The following ZSWIM5 variants were observed in gnomAD, a reference collection of about 807,000 sequenced individuals.
The protein encoded by ZSWIM5 is zinc finger SWIM-type containing 5.
ZSWIM5 carries 55 observed loss-of-function variants against 119.6 expected under a neutral mutation model. The observed-to-expected ratio is 0.46, with a 90% CI of 0.37 to 0.58. The LOEUF (loss-of-function observed/expected upper bound fraction) is 0.58. Ranked by LOEUF, ZSWIM5 falls within the 20% of genes least tolerant of loss-of-function variation. The pLI is 0.00. For missense variants in ZSWIM5, 1,193 were observed against 1,512.8 expected, an observed-to-expected ratio of 0.79 and a Z score of 3.51; for synonymous variants, 537 against 606.9, an observed-to-expected ratio of 0.88 and a Z score of 1.69.
chr1:45,086,144 G>A (rs1645328742), intron 2 of ZSWIM5, among the ~76,000 whole-genome samples: 1 of 152,194 alleles, frequency 6.6e-6, no homozygotes, highest in South Asian at 2.1e-4. Context: ...TTACATGGCT[G>A]GAGCCGGAGG....
intron 1 of ZSWIM5, among the ~76,000 whole-genome samples, chr1:45,129,025 C>A (rs1645638227): frequency 6.6e-6 from 1 of 152,076 alleles, no homozygotes; most frequent in Non-Finnish European, 1.5e-5. Context: ...GATTATTTAC[C>A]CATTCGCCTA....
At chr1:45,084,438 C>A (rs1434602020) in intron 2 of ZSWIM5, among the ~76,000 whole-genome samples, 1 of 152,192 alleles carries the variant, frequency 6.6e-6, no homozygotes, top group Non-Finnish European at 1.5e-5. Flanking sequence ...AATACAATCA[C>A]CCTTCTCAAC....
At chr1:45,121,038 C>T (rs531987673) in intron 1 of ZSWIM5, among the ~76,000 whole-genome samples, 4 of 152,190 alleles carry the variant, frequency 2.6e-5, no homozygotes, top group East Asian at 3.9e-4. Flanking sequence ...CAAGCTCCAC[C>T]GCCCGGGTTC....
At chr1:45,066,655 A>G (rs779580831) in intron 2 of ZSWIM5, among the ~76,000 whole-genome samples, 8 of 152,226 alleles carry the variant, frequency 5.3e-5, no homozygotes, top group Non-Finnish European at 1.2e-4. Flanking sequence ...AGGGAATATC[A>G]TGTGAAAATG....
At chr1:45,160,725 G>T (rs1202761589) in intron 1 of ZSWIM5, among the ~76,000 whole-genome samples, 2 of 149,478 alleles carry the variant, frequency 1.3e-5, no homozygotes, top group South Asian at 2.1e-4. Context: ...CATGATCTCT[G>T]CTAACTGCAA....
In ZSWIM5 at chr1:45,044,573, A is replaced by G. The variant is rs1174705284; in HGVS notation, c.1433-1178T>C. On this transcript the variant is annotated intron_variant, in intron 5 of 13. Transcript: ENST00000359600. ...TCCGTCTCTACTAAAAATACAAAAA[A>G]ATTAGCCGGGCATGGTGGCGGGCGC... 5.5e-5 allele frequency among the ~76,000 whole-genome samples: 8 copies of G among 145,470 alleles called. No homozygotes were observed. The East Asian group carries it at 1.4e-3, about 26-fold the overall frequency.
At chr1:45,081,622 A>G (rs6694814) in intron 2 of ZSWIM5, among the ~76,000 whole-genome samples, 3,106 of 152,094 alleles carry the variant, frequency 0.02, 113 homozygotes, top group African/African-American at 0.071. Flanking sequence ...GCTCAATGGC[A>G]CCCAGGCTGG....
chr1:45,089,068 T>C (rs1645348631), intron 1 of ZSWIM5, among the ~76,000 whole-genome samples: 1 of 152,098 alleles, frequency 6.6e-6, no homozygotes, highest in Admixed American at 6.6e-5. Context: ...CAAGTGATCC[T>C]CCCACTCTCA....
intron 1 of ZSWIM5, among the ~76,000 whole-genome samples, chr1:45,147,598 A>AC (rs1570150653): frequency 6.6e-6 from 1 of 151,172 alleles, no homozygotes; most frequent in African/African-American, 2.4e-5. Flanking sequence ...AAAAAAAAAA[A>AC]AAAAAAGGAA....
intron 1 of ZSWIM5, among the ~76,000 whole-genome samples, chr1:45,116,375 G>T (rs928199532): frequency 1.3e-5 from 2 of 152,118 alleles, no homozygotes; most frequent in Non-Finnish European, 2.9e-5. Context: ...AATGCTTCAT[G>T]AGCAATCTCT....
At chr1:45,070,297 T>C (rs909530150) in intron 2 of ZSWIM5, 4 of 1,435,608 alleles carry the variant, frequency 2.8e-6, no homozygotes, top group African/African-American at 1.4e-5. Flanking sequence ...ATTCCTCTGG[T>C]GATGAGGAAG....
At chr1:45,161,769 A>C (rs1487505719) in intron 1 of ZSWIM5, among the ~76,000 whole-genome samples, 1 of 152,238 alleles carries the variant, frequency 6.6e-6, no homozygotes, top group Non-Finnish European at 1.5e-5. Flanking sequence ...TAAGGGTTAC[A>C]CTAGTTACCT....
At chr1:45,174,638 G>C (rs1030371696) in intron 1 of ZSWIM5, among the ~76,000 whole-genome samples, 1 of 151,824 alleles carries the variant, frequency 6.6e-6, no homozygotes, top group African/African-American at 2.4e-5. Flanking sequence ...TACTCGGGGA[G>C]CTGGGACAGG....
intron 1 of ZSWIM5, among the ~76,000 whole-genome samples, chr1:45,179,574 C>T (rs1646003370): frequency 6.6e-6 from 1 of 152,064 alleles, no homozygotes; most frequent in African/African-American, 2.4e-5. Flanking sequence ...AGCAAACCTG[C>T]ACATGTGCCC....
rs540964226 is a variant in ZSWIM5, at chr1:45,088,905, G to T, written c.596-668C>A. Reference sequence around the variant, plus strand: ...AATGTAGGGAGAACCCATTTTTAACGTAACAAAATTAAAAGATAAAATCAA... The same window carrying T: ...AATGTAGGGAGAACCCATTTTTAACTTAACAAAATTAAAAGATAAAATCAA... On this transcript the variant is annotated intron_variant, in intron 1 of 13. Coordinates refer to ENST00000359600, the MANE Select transcript of ZSWIM5 (RefSeq NM_020883.2). This position sits in a 1 kb window ranked among gnomAD's most constrained non-coding sequence, Gnocchi z 4.2. 6.6e-6 allele frequency among the ~76,000 whole-genome samples: 1 copy of T among 152,146 alleles called. No homozygotes were observed. The highest frequency in any genetic ancestry group is 1.5e-5 in the Non-Finnish European group (1 of 67,974).
At chr1:45,131,887 G>A (rs1645659330) in intron 1 of ZSWIM5, among the ~76,000 whole-genome samples, 1 of 151,428 alleles carries the variant, frequency 6.6e-6, no homozygotes, top group Non-Finnish European at 1.5e-5. Context: ...TGATATAAAA[G>A]TTATATACAA....
At chr1:45,182,713 T>C (rs998548706) in intron 1 of ZSWIM5, among the ~76,000 whole-genome samples, 2 of 151,828 alleles carry the variant, frequency 1.3e-5, no homozygotes, top group Non-Finnish European at 2.9e-5. Flanking sequence ...CCTAAATATA[T>C]ATGCACCCAA....
intron 1 of ZSWIM5, among the ~76,000 whole-genome samples, chr1:45,120,753 A>G (rs1645586591): frequency 6.6e-6 from 1 of 151,846 alleles, no homozygotes; most frequent in Non-Finnish European, 1.5e-5. Context: ...TGGGATTGTA[A>G]GTGTGAGTCG....
intron 1 of ZSWIM5, among the ~76,000 whole-genome samples, chr1:45,119,924 T>G (rs1645581280): frequency 6.6e-6 from 1 of 152,224 alleles, no homozygotes; most frequent in Non-Finnish European, 1.5e-5. Flanking sequence ...CCACTCTCTT[T>G]TACTCACTTC....
Sources: gnomAD v4.1 joint callset for allele counts (sites outside exome capture counted in the v4.1 genomes callset) on GRCh38, gnomAD v4.1.1 for gene constraint, Gnocchi (gnomAD v3.1) non-coding constraint, MANE v1.5 for transcripts, NCBI Gene and HGNC (gene_info 2026-07-23, HGNC 2026-07-21) for gene names.